KIFAP3: variants seen among roughly 807,000 people sequenced by gnomAD.
KIFAP3 encodes the protein kinesin associated protein 3.
KIFAP3 carries 68 observed loss-of-function variants against 106.5 expected under a neutral mutation model. The ratio of observed to expected loss-of-function variants is 0.64; its 90% CI spans 0.53 to 0.78. KIFAP3 has a LOEUF of 0.78. Among genes scored for constraint, KIFAP3 ranks in the 30% least tolerant of loss-of-function variants. The probability of loss-of-function intolerance (pLI) is 0.00; values close to 1 mark genes in which losing one functional copy is unlikely to be tolerated. For synonymous variants in KIFAP3, 320 were observed against 311.5 expected, an observed-to-expected ratio of 1.03 and a Z score of -0.29; for missense variants, 780 against 941.8, an observed-to-expected ratio of 0.83 and a Z score of 2.25.
intron 10 of KIFAP3, among the ~76,000 whole-genome samples, chr1:170,001,717 T>TA (rs1667677782): frequency 6.6e-6 from 1 of 152,114 alleles, no homozygotes; most frequent in Non-Finnish European, 1.5e-5. Context: ...ATTTATTTTT[T>TA]AAAAAATCTA....
intron 19 of KIFAP3, among the ~76,000 whole-genome samples, chr1:169,924,718 C>T (rs1001192153): frequency 6.6e-6 from 1 of 152,172 alleles, no homozygotes; most frequent in Non-Finnish European, 1.5e-5. Flanking sequence ...AGACACTTTA[C>T]TTTTTTCCTT....
intron 19 of KIFAP3, chr1:169,923,015 AG>A: frequency 1.2e-6 from 1 of 805,056 alleles, no homozygotes; most frequent in Non-Finnish European, 1.5e-6. Context: ...GTGTGTATTA[AG>A]ATGGAACTAA....
intron 16 of KIFAP3, among the ~76,000 whole-genome samples, chr1:169,973,105 G>GTATATATATATATATATATATATATA (rs1553278126): frequency 7.8e-5 from 7 of 90,302 alleles, no homozygotes; most frequent in Non-Finnish European, 1.0e-4. Flanking sequence ...AAAATAGTGT[G>GTATATATATATATATATATATATATA]TATATATATA....
intron 10 of KIFAP3, among the ~76,000 whole-genome samples, chr1:170,011,582 G>C (rs1183747225): frequency 6.6e-6 from 1 of 151,770 alleles, no homozygotes; most frequent in Non-Finnish European, 1.5e-5. Flanking sequence ...ACACATGTGA[G>C]GGTTGGGCTA....
chr1:169,992,888 T>C (rs1230350351), intron 10 of KIFAP3, among the ~76,000 whole-genome samples: 1 of 152,146 alleles, frequency 6.6e-6, no homozygotes, highest in Non-Finnish European at 1.5e-5. Context: ...TAATATATTA[T>C]TTAATCCTAC....
chr1:170,026,959 A>G (rs998141172), intron 8 of KIFAP3, among the ~76,000 whole-genome samples: 1 of 150,304 alleles, frequency 6.7e-6, no homozygotes, highest in Non-Finnish European at 1.5e-5. Context: ...ACTCAAAGAT[A>G]TTTTTAGGAA....
chr1:169,964,832 T>A (rs1665521002), intron 17 of KIFAP3, among the ~76,000 whole-genome samples: 2 of 152,276 alleles, frequency 1.3e-5, no homozygotes, highest in African/African-American at 4.8e-5. Context: ...GTGAACCTCT[T>A]TAAGATTCAT....
At chr1:170,066,488 G>A (rs185197956) in intron 1 of KIFAP3, among the ~76,000 whole-genome samples, 35 of 152,210 alleles carry the variant, frequency 2.3e-4, no homozygotes, top group Non-Finnish European at 3.8e-4. Flanking sequence ...ACACGTATGT[G>A]TGTATCTGTT....
chr1:170,065,741 T>A (rs1466925383), intron 1 of KIFAP3, among the ~76,000 whole-genome samples: 2 of 151,288 alleles, frequency 1.3e-5, no homozygotes, highest in Non-Finnish European at 2.9e-5. Context: ...TAAATTTAAA[T>A]ACATTACATT....
intron 10 of KIFAP3, among the ~76,000 whole-genome samples, chr1:170,013,409 C>A (rs1167665147): frequency 6.6e-6 from 1 of 150,892 alleles, no homozygotes; most frequent in African/African-American, 2.4e-5. Context: ...ATTGCATTAT[C>A]TCATTTAACT....
intron 19 of KIFAP3, among the ~76,000 whole-genome samples, chr1:169,924,589 A>T (rs548477716): frequency 4.1e-5 from 6 of 148,066 alleles, no homozygotes; most frequent in Non-Finnish European, 8.9e-5. Flanking sequence ...TTTTAATTAA[A>T]TTCACTGTGA....
chr1:169,937,167 C>A (rs1320258793), intron 19 of KIFAP3, among the ~76,000 whole-genome samples: 1 of 151,296 alleles, frequency 6.6e-6, no homozygotes, highest in Non-Finnish European at 1.5e-5. Flanking sequence ...ATATTTTTAA[C>A]CCTGAACTAT....
intron 9 of KIFAP3, among the ~76,000 whole-genome samples, chr1:170,018,511 A>T: frequency 6.6e-6 from 1 of 151,554 alleles, no homozygotes; most frequent in East Asian, 1.9e-4. Flanking sequence ...CAAAAAAAGA[A>T]ATTTGAAAAA....
chr1:169,928,746 G>T (rs1663295612), intron 19 of KIFAP3, among the ~76,000 whole-genome samples: 1 of 141,210 alleles, frequency 7.1e-6, no homozygotes, highest in Non-Finnish European at 1.5e-5. Context: ...TTACGAGTTG[G>T]GGACTGAGAC....
At chr1:170,055,697 A>G (rs560026664) in intron 1 of KIFAP3, among the ~76,000 whole-genome samples, 5 of 152,162 alleles carry the variant, frequency 3.3e-5, no homozygotes, top group African/African-American at 4.8e-5. Context: ...TCTACCTAAG[A>G]AAAAAAATAC....
chr1:169,935,175 A>T (rs1313091325), intron 19 of KIFAP3, among the ~76,000 whole-genome samples: 1 of 152,092 alleles, frequency 6.6e-6, no homozygotes, highest in African/African-American at 2.4e-5. Flanking sequence ...ACCTCAAAAA[A>T]TATCTCAGCA....
At chr1:170,049,810 A>C (rs949337388) in intron 2 of KIFAP3, among the ~76,000 whole-genome samples, 102 of 139,380 alleles carry the variant, frequency 7.3e-4, no homozygotes, top group Middle Eastern at 3.6e-3. Flanking sequence ...AAAAAACACC[A>C]CCCCCCCCCA....
chr1:169,947,416 A>G (rs1467968397), intron 19 of KIFAP3, among the ~76,000 whole-genome samples: 1 of 151,908 alleles, frequency 6.6e-6, no homozygotes, highest in African/African-American at 2.4e-5. Flanking sequence ...ATGACTTAAA[A>G]TTCTATTTAA....
At position 169,963,448 on chromosome 1, in the gene KIFAP3, A is replaced by G. The variant is rs900023176; in HGVS notation, c.1984-2213T>C. 2.0e-5 allele frequency among the ~76,000 whole-genome samples: 3 copies of G among 152,158 alleles called. No homozygotes were observed. The South Asian group carries it at 6.2e-4, about 31-fold the overall frequency. On this transcript the variant is annotated intron_variant, in intron 17 of 19. Transcript: ENST00000361580. ...ATGTCTCTTTATGGTAGAACAATGT[A>G]TATTCCTTTGGGTATATACCCAATA...
Sources: allele counts gnomAD v4.1 joint callset (sites outside exome capture counted in the v4.1 genomes callset), GRCh38; gene constraint gnomAD v4.1.1; transcripts MANE v1.5; gene names NCBI Gene and HGNC (gene_info 2026-07-23, HGNC 2026-07-21).